SMYD3: variants seen among roughly 807,000 people sequenced by gnomAD.
SMYD3 encodes the protein SET and MYND domain containing 3.
In SMYD3, 36 loss-of-function variants were observed where a neutral mutation model predicts 57.7. That is an observed-to-expected ratio of 0.62 (90% CI 0.48 to 0.82). The LOEUF is 0.82. SMYD3 is among the 40% of genes least tolerant of loss of function. The pLI is 0.00. For synonymous variants in SMYD3, 211 were observed against 195.0 expected (o/e 1.08, Z -0.68); for missense variants, 515 against 538.8 (o/e 0.96, Z 0.44).
At chr1:245,751,056 T>C (rs929474783) in intron 11 of SMYD3, among the ~76,000 whole-genome samples, 6 of 152,234 alleles carry the variant, frequency 3.9e-5, no homozygotes, top group Non-Finnish European at 5.9e-5. Context: ...CAACTACTCA[T>C]GATTCAGTGT....
At chr1:246,045,372 G>C (rs1022009533) in intron 5 of SMYD3, among the ~76,000 whole-genome samples, 16 of 152,230 alleles carry the variant, frequency 1.1e-4, no homozygotes, top group African/African-American at 3.9e-4. Flanking sequence ...ACAAAAAGAA[G>C]AAATGGGGAA....
intron 1 of SMYD3, among the ~76,000 whole-genome samples, chr1:246,437,133 G>A (rs1342029480): frequency 6.6e-6 from 1 of 151,982 alleles, no homozygotes; most frequent in Non-Finnish European, 1.5e-5. Context: ...TCCTGACCTC[G>A]GGTGATCCAC....
At chr1:245,765,243 A>C (rs1387473344) in intron 10 of SMYD3, among the ~76,000 whole-genome samples, 1 of 151,564 alleles carries the variant, frequency 6.6e-6, no homozygotes, top group Non-Finnish European at 1.5e-5. Flanking sequence ...AAAAAAATAC[A>C]AAAATGAGCC....
intron 4 of SMYD3, among the ~76,000 whole-genome samples, chr1:246,328,950 T>C (rs1286494831): frequency 1.3e-5 from 2 of 151,992 alleles, no homozygotes; most frequent in East Asian, 1.9e-4. Context: ...GTTTGGTTTT[T>C]TGTCCTTGCA....
intron 10 of SMYD3, among the ~76,000 whole-genome samples, chr1:245,790,288 C>G (rs1294577484): frequency 1.3e-5 from 2 of 152,134 alleles, no homozygotes; most frequent in Non-Finnish European, 2.9e-5. Flanking sequence ...GATGGAAAGT[C>G]AAGAGTGTCC....
intron 10 of SMYD3, among the ~76,000 whole-genome samples, chr1:245,833,073 A>AAAAAAAAAAAAAAAAACACAAC: frequency 1.5e-4 from 19 of 128,644 alleles, no homozygotes; most frequent in South Asian, 3.1e-4. Flanking sequence ...AAAAAAAAAA[A>AAAAAAAAAAAAAAAAACACAAC]AACCTGCTTT....
intron 5 of SMYD3, among the ~76,000 whole-genome samples, chr1:246,208,764 C>T (rs989940619): frequency 6.6e-6 from 1 of 152,098 alleles, no homozygotes; most frequent in African/African-American, 2.4e-5. Context: ...TCCAAGAATG[C>T]ATTAGCCAAA....
rs572206034 is a variant in SMYD3, at chr1:245,786,217, G to C, written c.1077-22068C>G. Among the ~76,000 whole-genome samples, 35 of 148,238 alleles carry C rather than the reference G, an allele frequency of 2.4e-4. 2 individuals carry two copies. The highest frequency in any genetic ancestry group is 8.1e-4 in the African/African-American group (32 of 39,606). On this transcript the variant is annotated intron_variant, in intron 10 of 11. Transcript: ENST00000490107. Reference sequence around the variant, plus strand: ...TGAGTTGAGTTGGGGTGTGGACGGGGGGGGGATGGTGGCAACAGAATATTA... The same window carrying C: ...TGAGTTGAGTTGGGGTGTGGACGGGCGGGGGATGGTGGCAACAGAATATTA...
At chr1:246,420,370 A>G (rs1463197985) in intron 1 of SMYD3, among the ~76,000 whole-genome samples, 1 of 152,210 alleles carries the variant, frequency 6.6e-6, no homozygotes, top group African/African-American at 2.4e-5. Context: ...AGTAAATAAA[A>G]TAATTAAAGG....
intron 5 of SMYD3, among the ~76,000 whole-genome samples, chr1:246,018,851 G>A (rs1302286340): frequency 6.6e-6 from 1 of 151,024 alleles, no homozygotes; most frequent in East Asian, 1.9e-4. Flanking sequence ...CAATCCTCCT[G>A]CCTTGGCCTC....
chr1:246,206,202 A>C (rs910121931), intron 5 of SMYD3, among the ~76,000 whole-genome samples: 1 of 152,188 alleles, frequency 6.6e-6, no homozygotes, highest in East Asian at 1.9e-4. Flanking sequence ...ACTTAAGCCT[A>C]AAATAAATTT....
chr1:246,337,821 G>T (rs1345739061), intron 2 of SMYD3, among the ~76,000 whole-genome samples: 1 of 152,180 alleles, frequency 6.6e-6, no homozygotes, highest in African/African-American at 2.4e-5. Flanking sequence ...TCAGCCTCCT[G>T]ATAGCTTACC....
At chr1:246,122,662 A>G (rs775301066) in intron 5 of SMYD3, among the ~76,000 whole-genome samples, 4 of 152,222 alleles carry the variant, frequency 2.6e-5, no homozygotes, top group Non-Finnish European at 4.4e-5. Flanking sequence ...ACTAAAGGAC[A>G]CGTTTCATTT....
chr1:246,359,819 T>C (rs1280642673), intron 1 of SMYD3, among the ~76,000 whole-genome samples: 3 of 152,108 alleles, frequency 2.0e-5, no homozygotes, highest in Non-Finnish European at 4.4e-5. Context: ...CTTAAGGTAA[T>C]GAAAGCTATC....
At chr1:245,785,459 C>T (rs1315413150) in intron 10 of SMYD3, among the ~76,000 whole-genome samples, 1 of 152,068 alleles carries the variant, frequency 6.6e-6, no homozygotes, top group African/African-American at 2.4e-5. Flanking sequence ...CAATACTGTG[C>T]CTTTCACATG....
At chr1:246,019,651 T>G (rs2059435189) in intron 5 of SMYD3, among the ~76,000 whole-genome samples, 1 of 152,204 alleles carries the variant, frequency 6.6e-6, no homozygotes, top group Non-Finnish European at 1.5e-5. Context: ...GGTCAAGAAT[T>G]CATATCTAGA....
intron 1 of SMYD3, among the ~76,000 whole-genome samples, chr1:246,433,877 A>G (rs543308777): frequency 2.0e-5 from 3 of 152,216 alleles, no homozygotes; most frequent in Non-Finnish European, 4.4e-5. Flanking sequence ...AAAGTATACT[A>G]TAAGGCCAAA....
intron 5 of SMYD3, among the ~76,000 whole-genome samples, chr1:246,315,373 G>A (rs2065140149): frequency 6.6e-6 from 1 of 152,200 alleles, no homozygotes. Context: ...TCCTAACCAA[G>A]TAGATTTCAC....
chr1:246,009,582 T>A (rs1173608628), intron 5 of SMYD3, among the ~76,000 whole-genome samples: 1 of 105,238 alleles, frequency 9.5e-6, no homozygotes, highest in East Asian at 2.9e-4. Flanking sequence ...GTATATATCA[T>A]ATAGTGGAAA....
Sources: gnomAD v4.1 joint callset for allele counts (sites outside exome capture counted in the v4.1 genomes callset) on GRCh38, gnomAD v4.1.1 for gene constraint, MANE v1.5 for transcripts, NCBI Gene and HGNC (gene_info 2026-07-23, HGNC 2026-07-21) for gene names.